PCDH15: variants seen among roughly 807,000 people sequenced by gnomAD.
The protein encoded by PCDH15 is protocadherin-15.
In PCDH15, 129 loss-of-function variants were observed where a neutral mutation model predicts 178.5. The ratio of observed to expected loss-of-function variants is 0.72; its 90% CI spans 0.63 to 0.84. PCDH15 has a LOEUF of 0.84. PCDH15 is among the 40% of genes least tolerant of loss of function. The probability of loss-of-function intolerance (pLI) is 0.00; values close to 1 mark genes in which losing one functional copy is unlikely to be tolerated. For synonymous variants in PCDH15, 800 were observed against 732.0 expected (o/e 1.09, Z -1.50); for missense variants, 2,230 against 2,099.9 (o/e 1.06, Z -1.21).
rs1293438485 is a variant in PCDH15, at chr10:54,602,958, C to T, written c.91+61214G>A. Among the ~76,000 whole-genome samples the T allele has an allele frequency of 4.6e-5, 7 of 151,846 alleles. No homozygotes were observed. The Admixed American group carries it at 4.6e-4, about 10-fold the overall frequency. On this transcript the variant is annotated intron_variant, in intron 2 of 37. Transcript: ENST00000644397. ...TTGTGGATGTCTTTGGTTATCAGGT[C>T]GATGCTGGCTACATGAAATGAGTTT...
chr10:55,317,396 A>C (rs1350612941), intron 1 of PCDH15, among the ~76,000 whole-genome samples: 4 of 152,142 alleles, frequency 2.6e-5, no homozygotes, highest in Non-Finnish European at 4.4e-5. Context: ...CTATATGTAC[A>C]CTATTCTTTC....
intron 2 of PCDH15, among the ~76,000 whole-genome samples, chr10:55,468,867 C>A (rs904548444): frequency 6.6e-6 from 1 of 152,226 alleles, no homozygotes; most frequent in Admixed American, 6.5e-5. Flanking sequence ...TAATACTTAT[C>A]TCTTATTTTC....
intron 2 of PCDH15, among the ~76,000 whole-genome samples, chr10:55,119,072 C>T (rs933324662): frequency 6.6e-6 from 1 of 152,182 alleles, no homozygotes; most frequent in African/African-American, 2.4e-5. Context: ...ACCATCACAT[C>T]CTTTGCTTCA....
At chr10:54,776,488 C>A (rs1393223573) in intron 1 of PCDH15, among the ~76,000 whole-genome samples, 1 of 151,550 alleles carries the variant, frequency 6.6e-6, no homozygotes, top group Non-Finnish European at 1.5e-5. Flanking sequence ...CAGACTTAAG[C>A]TTACCCTCTA....
intron 1 of PCDH15, among the ~76,000 whole-genome samples, chr10:54,799,392 C>G (rs535140894): frequency 1.4e-4 from 22 of 152,068 alleles, no homozygotes; most frequent in African/African-American, 5.1e-4. Context: ...TTTTTTAAAA[C>G]TATAGTTCAG....
chr10:55,598,776 C>T (rs1012295761), intron 2 of PCDH15, among the ~76,000 whole-genome samples: 5 of 151,678 alleles, frequency 3.3e-5, no homozygotes, highest in African/African-American at 1.2e-4. Context: ...AAGTAGTGCT[C>T]TAGAAATCAC....
At chr10:54,534,838 G>A (rs1297653449) in intron 2 of PCDH15, among the ~76,000 whole-genome samples, 1 of 152,108 alleles carries the variant, frequency 6.6e-6, no homozygotes, top group East Asian at 1.9e-4. Flanking sequence ...ATACACACAG[G>A]AGTGAAATCT....
At chr10:54,919,542 C>G (rs1261194433) in intron 2 of PCDH15, among the ~76,000 whole-genome samples, 1 of 152,126 alleles carries the variant, frequency 6.6e-6, no homozygotes, top group East Asian at 1.9e-4. Context: ...CCCAGAGTAA[C>G]TCACATGTAT....
intron 2 of PCDH15, among the ~76,000 whole-genome samples, chr10:54,916,165 T>C (rs1954898468): frequency 6.6e-6 from 1 of 151,964 alleles, no homozygotes; most frequent in Non-Finnish European, 1.5e-5. Flanking sequence ...AGGGATGGGT[T>C]TCACCATATT....
At chr10:54,425,058 G>C (rs1303905831) in intron 3 of PCDH15, among the ~76,000 whole-genome samples, 2 of 151,054 alleles carry the variant, frequency 1.3e-5, no homozygotes, top group Non-Finnish European at 3.0e-5. Context: ...CAGGTAGGTT[G>C]AAAATGTGCT....
intron 8 of PCDH15, among the ~76,000 whole-genome samples, chr10:54,261,694 T>TACAA (rs2057329484): frequency 2.4e-5 from 2 of 81,808 alleles, no homozygotes; most frequent in African/African-American, 4.1e-5. Context: ...TTTTTTATAA[T>TACAA]ATAAAGAATT....
At chr10:55,399,721 G>A (rs1350055341) in intron 2 of PCDH15, among the ~76,000 whole-genome samples, 5 of 151,982 alleles carry the variant, frequency 3.3e-5, no homozygotes, top group East Asian at 3.9e-4. Context: ...GCTGTTCAAG[G>A]GCAAAAGCAA....
chr10:55,198,201 T>C (rs1813043206), intron 1 of PCDH15, among the ~76,000 whole-genome samples: 1 of 152,152 alleles, frequency 6.6e-6, no homozygotes, highest in African/African-American at 2.4e-5. Flanking sequence ...AATAAACCAC[T>C]ATTATTCACT....
At chr10:55,052,168 A>C (rs1005027603) in intron 2 of PCDH15, among the ~76,000 whole-genome samples, 31 of 151,510 alleles carry the variant, frequency 2.0e-4, no homozygotes, top group Admixed American at 1.1e-3. Context: ...GCTCACTGCA[A>C]GCTCTGCCTC....
At chr10:54,517,673 A>C (rs928328961) in intron 3 of PCDH15, among the ~76,000 whole-genome samples, 1 of 152,298 alleles carries the variant, frequency 6.6e-6, no homozygotes, top group African/African-American at 2.4e-5. Context: ...GTTAACAAGG[A>C]TACCCAGGAA....
rs397517462 is a variant in PCDH15, at chr10:53,822,469, TAGGAGG to T, written c.4368-2245_4368-2240del. Reference sequence around the variant, plus strand: ...GCAGGAGGAGGAGAAGGAGGAGAAATAGGAGGAGGAGGGGGAAGGGGACAGGCAGAA... The same window carrying T: ...GCAGGAGGAGGAGAAGGAGGAGAAATAGGAGGGGGAAGGGGACAGGCAGAA... On this transcript the variant is annotated intron_variant, in intron 32 of 37. Transcript: ENST00000644397. 20 of 1,599,060 alleles carry T rather than the reference TAGGAGG, an allele frequency of 1.3e-5. No individual in the cohort carries two copies. The East Asian group carries it at 1.4e-4, about 11-fold the overall frequency.
At chr10:54,070,285 C>A (rs1319999209) in intron 17 of PCDH15, among the ~76,000 whole-genome samples, 2 of 151,714 alleles carry the variant, frequency 1.3e-5, no homozygotes, top group African/African-American at 2.4e-5. Context: ...CTCACTGCAA[C>A]CTCCGCCTCC....
intron 1 of PCDH15, among the ~76,000 whole-genome samples, chr10:55,267,375 T>C (rs1842327249): frequency 1.3e-5 from 2 of 152,244 alleles, no homozygotes; most frequent in Non-Finnish European, 2.9e-5. Context: ...GATAATTGTT[T>C]CATGTAATTA....
chr10:54,584,112 T>G (rs1276336661), intron 2 of PCDH15, among the ~76,000 whole-genome samples: 1 of 152,060 alleles, frequency 6.6e-6, no homozygotes, highest in African/African-American at 2.4e-5. Context: ...TAAGGTCAAG[T>G]GTAGATGCTC....
Sources: gnomAD v4.1 joint callset for allele counts (sites outside exome capture counted in the v4.1 genomes callset) on GRCh38, gnomAD v4.1.1 for gene constraint, MANE v1.5 for transcripts, NCBI Gene and HGNC (gene_info 2026-07-23, HGNC 2026-07-21) for gene names.